The following NEDD9 variants were observed in gnomAD, a reference collection of about 807,000 sequenced individuals.
NEDD9 encodes neural precursor cell expressed, developmentally down-regulated 9.
NEDD9 carries 26 observed loss-of-function variants against 76.6 expected under a neutral mutation model. That is an observed-to-expected ratio of 0.34 (90% confidence interval 0.25 to 0.47). NEDD9 has a LOEUF of 0.47. Among genes scored for constraint, NEDD9 ranks in the 20% least tolerant of loss-of-function variants. The probability of loss-of-function intolerance (pLI) is 1.00; values close to 1 mark genes in which losing one functional copy is unlikely to be tolerated. For synonymous variants in NEDD9, 392 were observed against 414.2 expected, an observed-to-expected ratio of 0.95 and a Z score of 0.65; for missense variants, 937 against 1,058.5, an observed-to-expected ratio of 0.89 and a Z score of 1.59.
intron 2 of NEDD9, among the ~76,000 whole-genome samples, chr6:11,201,833 A>C (rs775021957): frequency 1.2e-3 from 113 of 97,048 alleles, no homozygotes; most frequent in Non-Finnish European, 2.0e-3. Context: ...GATTCCTCTG[A>C]GTCTAAGTCT....
At chr6:11,299,056 C>G (rs1760972474) in intron 3 of NEDD9, among the ~76,000 whole-genome samples, 1 of 152,126 alleles carries the variant, frequency 6.6e-6, no homozygotes, top group Non-Finnish European at 1.5e-5. Context: ...CAGGGAAATG[C>G]AAGGGGTTGG....
intron 2 of NEDD9, among the ~76,000 whole-genome samples, chr6:11,322,345 G>A (rs1258031156): frequency 6.6e-6 from 1 of 151,774 alleles, no homozygotes; most frequent in African/African-American, 2.4e-5. Flanking sequence ...AAAAAAAAAA[G>A]AAATGCTTTG....
At chr6:11,249,005 T>C in intron 3 of NEDD9, 1 of 413,176 alleles carries the variant, frequency 2.4e-6, no homozygotes, top group Admixed American at 2.5e-5. Flanking sequence ...GCTATTCATA[T>C]GCCAGTGACT....
rs9468596 is a variant in NEDD9 at position 11,197,667 on chromosome 6, G to A, written c.460-3975C>T. On this transcript the variant is annotated intron_variant, in intron 2 of 6. Coordinates refer to ENST00000379446, the MANE Select transcript of NEDD9 (RefSeq NM_006403.4). ...TAGGATCAAAAGCCCAAAGACTGGC[G>A]TTATGTTAGTTCTCTAATTAATCTG... Among the ~76,000 whole-genome samples, 662 of 152,250 alleles carry A rather than the reference G, an allele frequency of 4.3e-3. 4 individuals carry two copies. Among genetic ancestry groups the A allele is most frequent in the African/African-American group, 0.016 (650 of 41,558 alleles).
intron 3 of NEDD9, among the ~76,000 whole-genome samples, chr6:11,267,938 A>G (rs1760230691): frequency 1.3e-5 from 2 of 152,250 alleles, no homozygotes; most frequent in South Asian, 4.1e-4. Flanking sequence ...GCTTCACCCT[A>G]CAACAGATTT....
At chr6:11,250,607 G>A (rs983948777) in intron 3 of NEDD9, among the ~76,000 whole-genome samples, 1 of 152,126 alleles carries the variant, frequency 6.6e-6, no homozygotes, top group African/African-American at 2.4e-5. Flanking sequence ...TTCACCCAGT[G>A]GGAATCGCTC....
intron 3 of NEDD9, among the ~76,000 whole-genome samples, chr6:11,276,134 G>A (rs1410934730): frequency 6.6e-6 from 1 of 152,140 alleles, no homozygotes; most frequent in East Asian, 1.9e-4. Context: ...TTTCAGTTGT[G>A]CAAACAGAAA....
intron 3 of NEDD9, among the ~76,000 whole-genome samples, chr6:11,273,041 C>T (rs566601237): frequency 1.3e-5 from 2 of 152,168 alleles, no homozygotes; most frequent in African/African-American, 2.4e-5. Flanking sequence ...CGTCACATAG[C>T]TCTGCTTGTT....
At chr6:11,199,351 C>G (rs957473287) in intron 2 of NEDD9, 4 of 152,206 alleles carry the variant, frequency 2.6e-5, no homozygotes, top group African/African-American at 7.2e-5. Context: ...CTACCACTCA[C>G]AAGCTATGAG....
intron 3 of NEDD9, among the ~76,000 whole-genome samples, chr6:11,268,995 G>T (rs780499041): frequency 1.3e-5 from 2 of 152,158 alleles, no homozygotes; most frequent in Admixed American, 6.5e-5. Flanking sequence ...TTCTTATTAC[G>T]TAAAAGTGCT....
intron 2 of NEDD9, among the ~76,000 whole-genome samples, chr6:11,330,377 A>G (rs893632649): frequency 6.6e-6 from 1 of 152,208 alleles, no homozygotes. Context: ...GATCTGAAAG[A>G]TATTTTGGCG....
intron 3 of NEDD9, among the ~76,000 whole-genome samples, chr6:11,246,666 T>G (rs1400345345): frequency 6.6e-6 from 1 of 151,544 alleles, no homozygotes; most frequent in Non-Finnish European, 1.5e-5. Flanking sequence ...AAATGAGAGG[T>G]TTTTCACTTC....
intron 1 of NEDD9, among the ~76,000 whole-genome samples, chr6:11,357,003 C>A (rs924059750): frequency 6.6e-6 from 1 of 152,046 alleles, no homozygotes; most frequent in Admixed American, 6.6e-5. Context: ...TGACTGAGGC[C>A]TTCTGTTCCG....
intron 2 of NEDD9, among the ~76,000 whole-genome samples, chr6:11,202,182 C>T (rs1228347075): frequency 1.3e-5 from 2 of 152,180 alleles, no homozygotes; most frequent in East Asian, 3.9e-4. Context: ...TTGCACTTTT[C>T]TTGGCATATG....
chr6:11,287,854 G>A (rs1760684025), intron 3 of NEDD9, among the ~76,000 whole-genome samples: 1 of 152,188 alleles, frequency 6.6e-6, no homozygotes, highest in African/African-American at 2.4e-5. Context: ...GTTGAATTTT[G>A]TAATGAGCTG....
intron 3 of NEDD9, chr6:11,271,854 T>A (rs2113343117): frequency 6.6e-6 from 1 of 152,310 alleles, no homozygotes; most frequent in East Asian, 1.9e-4. Flanking sequence ...AAAGAAATGA[T>A]AAACACGCAC....
At chr6:11,286,792 A>C (rs555955243) in intron 3 of NEDD9, among the ~76,000 whole-genome samples, 15 of 152,350 alleles carry the variant, frequency 9.8e-5, no homozygotes, top group Admixed American at 2.6e-4. Context: ...CAGAAAGCAG[A>C]TTAACGGTTG....
At chr6:11,299,285 G>C (rs1221535905) in intron 3 of NEDD9, among the ~76,000 whole-genome samples, 1 of 152,206 alleles carries the variant, frequency 6.6e-6, no homozygotes, top group Non-Finnish European at 1.5e-5. Context: ...TTGAGGGGGG[G>C]AGGGGCATCT....
upstream of NEDD9, chr6:11,233,232 C>T (rs748823049): frequency 1.2e-5 from 6 of 518,874 alleles, no homozygotes; most frequent in Non-Finnish European, 1.5e-5. Context: ...TTCTTTTCAA[C>T]GTTCAAAGTA....
Sources: allele counts gnomAD v4.1 joint callset (sites outside exome capture counted in the v4.1 genomes callset), GRCh38; gene constraint gnomAD v4.1.1; transcripts MANE v1.5; gene names NCBI Gene and HGNC (gene_info 2026-07-23, HGNC 2026-07-21).